EPB42: variants seen among roughly 807,000 people sequenced by gnomAD.
The protein encoded by EPB42 is erythrocyte membrane protein band 4.2, also known as protein 4.2.
EPB42 carries 49 observed loss-of-function variants against 76.9 expected under a neutral mutation model. The observed-to-expected ratio is 0.64, with a 90% CI of 0.51 to 0.81. The LOEUF (loss-of-function observed/expected upper bound fraction) is 0.81, where lower values mean the gene tolerates loss of function less well. EPB42 is among the 30% of genes least tolerant of loss of function. The probability of loss-of-function intolerance (pLI) is 0.00; values close to 1 mark genes in which losing one functional copy is unlikely to be tolerated. For missense variants in EPB42, 731 were observed against 867.6 expected (o/e 0.84, Z 1.98); for synonymous variants, 310 against 338.4 (o/e 0.92, Z 0.92).
upstream of EPB42, among the ~76,000 whole-genome samples, chr15:43,221,736 G>T (rs752396639): frequency 1.3e-5 from 2 of 151,154 alleles, no homozygotes; most frequent in Non-Finnish European, 2.9e-5. Context: ...TGGGCAGTGG[G>T]GTAGAAAGGT....
chr15:43,199,037 T>C (rs2042089629), intron 12 of EPB42, among the ~76,000 whole-genome samples: 1 of 152,194 alleles, frequency 6.6e-6, no homozygotes, highest in Admixed American at 6.5e-5. Flanking sequence ...AGGCAAAAGT[T>C]TGCTGCAAGG....
intron 1 of EPB42, among the ~76,000 whole-genome samples, chr15:43,218,073 C>G (rs1227750479): frequency 6.6e-6 from 1 of 152,084 alleles, no homozygotes; most frequent in Non-Finnish European, 1.5e-5. Flanking sequence ...CTTGGTCAGG[C>G]CATGGCTATA....
chr15:43,210,866 C>T (rs962710412), intron 4 of EPB42, among the ~76,000 whole-genome samples: 1 of 152,238 alleles, frequency 6.6e-6, no homozygotes, highest in African/African-American at 2.4e-5. Context: ...ACACGCAGTG[C>T]AGCCCCTTAG....
intron 5 of EPB42, 74 bp downstream of exon 5, chr15:43,210,261 G>A (rs1011362812): frequency 1.7e-5 from 23 of 1,334,258 alleles, no homozygotes; most frequent in African/African-American, 2.9e-5. Context: ...CTGAGGCCAC[G>A]GTGGTGGGGC....
rs575707711 is a variant in EPB42, at chr15:43,209,252, T to C, written c.832+22A>G. On this transcript the variant is annotated intron_variant, in intron 6 of 12. Transcript: ENST00000441366. ...GAACAACCCAGGAGGCAGGGCACTC[T>C]ACAGGAGACAAGGGGACCAACCTGT... The C allele has an allele frequency of 5.6e-5, 91 of 1,613,784 alleles. No homozygotes were observed. In the East Asian group the frequency reaches 2.0e-3, roughly 35 times the overall value.
rs1020993378 is a variant in EPB42, at chr15:43,197,563, T to C, written c.1914-99A>G. The C allele has an allele frequency of 7.9e-6, 11 of 1,395,216 alleles. No individual in the cohort carries two copies. In the African/African-American group the frequency reaches 1.1e-4, roughly 14 times the overall value. 86.4% of individuals were successfully genotyped at this position (1,395,216 alleles called of 1,614,324 possible). A position where few individuals can be genotyped will look rare whatever the true frequency, so the allele number is the denominator to read the frequency against. ...CTTCCTTGCTTGAAGAGGTGGACCA[T>C]GCAGAAATAAACATCTAAGTACCTT... On this transcript the variant is annotated intron_variant, in intron 12 of 12. Coordinates refer to ENST00000441366, the MANE Select transcript of EPB42 (RefSeq NM_001114134.2).
At chr15:43,203,311 G>T in intron 10 of EPB42, 36 bp from the exon 11 acceptor site, 1 of 1,613,640 alleles carries the variant, frequency 6.2e-7, no homozygotes, top group Non-Finnish European at 8.5e-7. Context: ...GTGGCAACAG[G>T]TGTATGTACC....
At chr15:43,210,510 G>T in intron 4 of EPB42, 71 bp from the exon 5 acceptor site, 1 of 1,382,252 alleles carries the variant, frequency 7.2e-7, no homozygotes, top group Non-Finnish European at 1.0e-6. Context: ...CCCCAGGTCA[G>T]GCACTCATCC....
chr15:43,223,866 C>A (rs967427587), upstream of EPB42, among the ~76,000 whole-genome samples: 3 of 152,154 alleles, frequency 2.0e-5, no homozygotes, highest in African/African-American at 4.8e-5. Flanking sequence ...CTCAGCTACT[C>A]AGGAGACTGA....
intron 12 of EPB42, among the ~76,000 whole-genome samples, chr15:43,201,382 A>G (rs2042122734): frequency 6.6e-6 from 1 of 152,244 alleles, no homozygotes; most frequent in African/African-American, 2.4e-5. Context: ...AACAGTACAC[A>G]TTTTATACGT....
chr15:43,216,335 C>G lies in EPB42; in HGVS notation c.129G>C (p.Leu43=). The G allele has an allele frequency of 1.2e-6, 2 of 1,614,192 alleles. No individual in the cohort carries two copies. Among genetic ancestry groups the G allele is most frequent in the Non-Finnish European group, 8.5e-7 (1 of 1,180,042 alleles). ...ATGCACGGACTGGAGCGCGGAAGTA[C>G]AGGATGATGGTGAAGGGCTGCCCCC... is the stretch of plus-strand genomic sequence containing the variant. ...VRRGQPFTII[L]YFRAPVRAFL... is the part of the protein sequence containing the mutation. The change falls in exon 2 of 13, where the codon CTG becomes CTC. Residue 43 remains leucine (L), a synonymous_variant. Coordinates refer to ENST00000441366, the MANE Select transcript of EPB42 (RefSeq NM_001114134.2).
In EPB42 at chr15:43,204,319, C is replaced by T. The variant is rs145204728; in HGVS notation, c.1619-1044G>A. Among the ~76,000 whole-genome samples, 13 of 152,208 alleles carry T rather than the reference C, an allele frequency of 8.5e-5. No individual in the cohort carries two copies. The South Asian group carries it at 1.9e-3, about 22-fold the overall frequency. On this transcript the variant is annotated intron_variant, in intron 10 of 12. Transcript: ENST00000441366. The stretch of plus-strand genomic sequence containing the variant: ...TCCCTTACTCTGCTTTTCCTCTGAT[C>T]GCCCCCTAAATGCTGCTGCTGCTGC...
chr15:43,214,968 G>A, intron 3 of EPB42, 127 bp downstream of exon 3: 1 of 817,048 alleles, frequency 1.2e-6, no homozygotes. Context: ...CACAGACTGG[G>A]TGTTGGTGCT....
intron 9 of EPB42, 89 bp downstream of exon 9, chr15:43,207,110 T>A (rs1185114569): frequency 6.3e-7 from 1 of 1,579,294 alleles, no homozygotes; most frequent in Non-Finnish European, 8.6e-7. Context: ...AGGACAAGTC[T>A]CTTTCTGGCT....
chr15:43,216,580 T>A (rs1200113670), intron 1 of EPB42, 127 bp from the exon 2 acceptor site: 6 of 1,004,010 alleles, frequency 6.0e-6, no homozygotes, highest in Admixed American at 4.1e-5. Context: ...AGCTGCGCAA[T>A]CCCAGGCAAG....
intron 1 of EPB42, among the ~76,000 whole-genome samples, chr15:43,216,736 A>G (rs1434221442): frequency 1.3e-5 from 2 of 152,140 alleles, no homozygotes; most frequent in African/African-American, 2.4e-5. Flanking sequence ...TGTTGTTGTT[A>G]TTATTATTAA....
At chr15:43,217,465 G>C (rs1414624394) in intron 1 of EPB42, among the ~76,000 whole-genome samples, 1 of 152,066 alleles carries the variant, frequency 6.6e-6, no homozygotes, top group East Asian at 1.9e-4. Flanking sequence ...ACTAATACAA[G>C]AGGGAAGAAA....
At chr15:43,212,542 CAATT>C (rs140201321) in intron 3 of EPB42, among the ~76,000 whole-genome samples, 7,242 of 152,132 alleles carry the variant, frequency 0.048, 566 homozygotes, top group African/African-American at 0.16. Flanking sequence ...AGAAAAAAGA[CAATT>C]AAGCATAGGC....
rs771882643 is a variant in EPB42 at position 43,209,384 on chromosome 15, A to G, written c.722T>C (p.Leu241Ser). 4.3e-6 allele frequency: 7 copies of G among 1,613,828 alleles called. No homozygotes were observed. Among genetic ancestry groups the G allele is most frequent in the African/African-American group, 4.0e-5 (3 of 74,942 alleles). Reference sequence around the variant, plus strand: ...CACGCTGCCCCGGCGCTTGTTCAGCAAGGCCCCTTCCTGGGTGGCCTGGGT... The same window carrying G: ...CACGCTGCCCCGGCGCTTGTTCAGCGAGGCCCCTTCCTGGGTGGCCTGGGT... ...PQTQATQEGA[L>S]LNKRRGSVPI... The change falls in exon 6 of 13, where the codon TTG becomes TCG. Residue 241 changes from leucine (L) to serine (S), a missense_variant. Transcript: ENST00000441366.
Sources: allele counts gnomAD v4.1 joint callset (sites outside exome capture counted in the v4.1 genomes callset), GRCh38; gene constraint gnomAD v4.1.1; transcripts MANE v1.5; gene names NCBI Gene and HGNC (gene_info 2026-07-23, HGNC 2026-07-21).